Variants in APC observed in about 807,000 individuals in gnomAD.
APC encodes the protein adenomatous polyposis coli protein.
Under a neutral mutation model 247.0 loss-of-function variants are expected in APC, and 72 were observed. That is an observed-to-expected ratio of 0.29 (90% confidence interval 0.24 to 0.35). The LOEUF (loss-of-function observed/expected upper bound fraction) is 0.35, where lower values mean the gene tolerates loss of function less well. Among genes scored for constraint, APC ranks in the 10% least tolerant of loss-of-function variants. The probability of loss-of-function intolerance (pLI) is 1.00; values close to 1 mark genes in which losing one functional copy is unlikely to be tolerated. For synonymous variants in APC, 1,254 were observed against 1,162.5 expected, an observed-to-expected ratio of 1.08 and a Z score of -1.60; for missense variants, 3,400 against 3,360.7, an observed-to-expected ratio of 1.01 and a Z score of -0.29.
intron 2 of APC, among the ~76,000 whole-genome samples, chr5:112,764,948 A>G (rs2149778686): frequency 6.6e-6 from 1 of 152,310 alleles, no homozygotes; most frequent in East Asian, 1.9e-4. Context: ...TATTCCACAA[A>G]TGTAAAACAC....
intron 11 of APC, among the ~76,000 whole-genome samples, chr5:112,823,852 T>G (rs1763384492): frequency 6.6e-6 from 1 of 152,166 alleles, no homozygotes; most frequent in Non-Finnish European, 1.5e-5. Context: ...CTCGTCAAAC[T>G]GGATTTTCTG....
intron 1 of APC, among the ~76,000 whole-genome samples, chr5:112,741,027 G>T (rs1752952196): frequency 6.6e-6 from 1 of 152,028 alleles, no homozygotes. Context: ...ACCTACCTAT[G>T]CAGCACATAA....
rs1269217960 is a variant in APC at position 112,818,830 on chromosome 5, T to G, written c.934-136T>G. The G allele has an allele frequency of 1.9e-5, 18 of 958,304 alleles. No homozygotes were observed. The South Asian group carries it at 2.6e-4, about 14-fold the overall frequency. The allele number at this position is 958,304 out of a possible 1,614,324, so 59.4% of individuals were successfully genotyped here. A position where few individuals can be genotyped will look rare whatever the true frequency, so the allele number is the denominator to read the frequency against. On this transcript the variant is annotated intron_variant, in intron 9 of 15. Transcript: ENST00000257430. ...TTCATCCTGGAAAGGTTTTCCGGTTTTTTGTTTTTTTTTTGGCGGGGGGGG... is the reference window on the plus strand; with the variant it reads ...TTCATCCTGGAAAGGTTTTCCGGTTGTTTGTTTTTTTTTTGGCGGGGGGGG...
chr5:112,819,578 C>A (rs895013071), intron 10 of APC, among the ~76,000 whole-genome samples: 12 of 152,092 alleles, frequency 7.9e-5, no homozygotes, highest in African/African-American at 1.4e-4. Flanking sequence ...GAAATTTATA[C>A]AATCATAGCA....
rs1554089094 is a variant in APC, at chr5:112,843,990, C to T, written c.8396C>T (p.Ser2799Leu). 1 of 1,600,552 alleles carries T rather than the reference C, an allele frequency of 6.2e-7. No individual in the cohort carries two copies. The highest frequency in any genetic ancestry group is 1.1e-5 in the South Asian group (1 of 88,580). ...SPRKSSADSTSARPSQIPTPV... is the reference protein window; with the variant it reads ...SPRKSSADSTLARPSQIPTPV... Reference sequence around the variant, plus strand: ...AGGAAAAGCAGCGCAGATAGCACTTCAGCTCGGCCATCTCAGATCCCAACT... The same window carrying T: ...AGGAAAAGCAGCGCAGATAGCACTTTAGCTCGGCCATCTCAGATCCCAACT... Residue 2799 changes from serine (S) to leucine (L), a missense_variant, in exon 16 of 16, where the codon TCA becomes TTA. Around this residue, in one of 9 missense-constraint regions of APC, gnomAD observed 1,788 missense variants for 1,649.5 expected, o/e 1.08. Transcript: ENST00000257430. The surrounding 1 kb of genome is among the most constrained non-coding windows in gnomAD (Gnocchi z 4.8).
In APC at chr5:112,761,537, G is replaced by A. The variant is rs28578275; in HGVS notation, c.136-4789G>A. ...GGCTGAACACTGAATTAGTGAACTA[G>A]TGAGAAGACAGAATTAGTGAACTTG... On this transcript the variant is annotated intron_variant, in intron 2 of 15. Transcript: ENST00000257430. Among the ~76,000 whole-genome samples the A allele has an allele frequency of 0.4, 60,715 of 151,986 alleles. 14,594 individuals are homozygous for A. The highest frequency in any genetic ancestry group is 0.65 in the East Asian group (3,381 of 5,176).
At chr5:112,813,658 C>A (rs553651270) in intron 8 of APC, among the ~76,000 whole-genome samples, 1 of 151,842 alleles carries the variant, frequency 6.6e-6, no homozygotes, top group Non-Finnish European at 1.5e-5. Context: ...TGGCTCGTGC[C>A]TGTAGTCCCG....
chr5:112,753,771 G>A (rs1036822483), intron 1 of APC, among the ~76,000 whole-genome samples: 8 of 152,124 alleles, frequency 5.3e-5, no homozygotes, highest in African/African-American at 1.9e-4. Flanking sequence ...GTTACAACCT[G>A]TCTGCCTTAT....
intron 6 of APC, among the ~76,000 whole-genome samples, chr5:112,782,982 T>C (rs982645688): frequency 6.6e-6 from 1 of 152,224 alleles, no homozygotes; most frequent in Non-Finnish European, 1.5e-5. Flanking sequence ...GTTAGGTTTA[T>C]TTGTTTCAAA....
Position 112,815,578 on chromosome 5 carries a change from T to G in APC, c.918T>G (p.Ser306Arg), listed in dbSNP as rs730881231. Reference protein sequence around the residue: ...STHSAPRRLTSHLGTKVEMVY... With the variant: ...STHSAPRRLTRHLGTKVEMVY... ...ACTCTGCACCTCGAAGGCTGACAAG[T>G]CATCTGGGAACCAAGGTAACAGAAG... Residue 306 changes from serine to arginine, a missense_variant, in exon 9 of 16, where the codon AGT (serine) becomes AGG (arginine). Ser to Arg is a moderately radical substitution (Grantham distance 110, BLOSUM62 -1). Coordinates refer to ENST00000257430, the MANE Select transcript of APC (RefSeq NM_000038.6). The G allele has an allele frequency of 3.7e-5, 59 of 1,610,922 alleles. No individual in the cohort carries two copies. Among genetic ancestry groups the G allele is most frequent in the Non-Finnish European group, 4.8e-5 (56 of 1,177,984 alleles).
upstream of APC, chr5:112,737,726 C>G (rs796804991): frequency 5.0e-6 from 3 of 601,840 alleles, no homozygotes; most frequent in South Asian, 1.5e-4. Context: ...CTGTGCCCCA[C>G]TGCGGAGTGC....
Position 112,730,699 on chromosome 5 carries a change from C to G in APC, c.165+22817C>G, listed in dbSNP as rs545825144. ...ATTAATTTGTGTTTTTCTTAAGGAC[C>G]CTCCCACCCAGCTGCCCCTTTATTA... On this transcript the variant is annotated intron_variant, in intron 1 of 13. Coordinates refer to the APC transcript ENST00000507379. Among the ~76,000 whole-genome samples, 231 of 152,140 alleles carry G rather than the reference C, an allele frequency of 1.5e-3. 1 individual carries two copies. Among genetic ancestry groups the G allele is most frequent in the Non-Finnish European group, 2.4e-3 (165 of 67,998 alleles).
intron 2 of APC, among the ~76,000 whole-genome samples, chr5:112,756,376 C>A (rs1561446979): frequency 6.6e-6 from 1 of 152,198 alleles, no homozygotes; most frequent in Non-Finnish European, 1.5e-5. Flanking sequence ...ACATTTTATT[C>A]TTTCCACAAA....
At chr5:112,724,140 A>G (rs781295355) in intron 1 of APC, among the ~76,000 whole-genome samples, 2 of 152,198 alleles carry the variant, frequency 1.3e-5, no homozygotes, top group African/African-American at 4.8e-5. Flanking sequence ...TGAGCAGGCT[A>G]TCCTATGCTT....
At chr5:112,818,853 G>GGGGTGTTTTGTTTTTTTT in intron 9 of APC, 113 bp from the exon 10 acceptor site, 1 of 1,090,374 alleles carries the variant, frequency 9.2e-7, no homozygotes, top group East Asian at 2.6e-5. Flanking sequence ...TTGGCGGGGG[G>GGGGTGTTTTGTTTTTTTT]GGTTGTTTTG....
chr5:112,736,303 A>C (rs1752379346), upstream of APC, among the ~76,000 whole-genome samples: 2 of 152,266 alleles, frequency 1.3e-5, no homozygotes, highest in African/African-American at 4.8e-5. Context: ...AACTTTTAAT[A>C]GAACAGTAGT....
At chr5:112,735,812 C>A (rs1752351472), upstream of APC, among the ~76,000 whole-genome samples, 1 of 152,154 alleles carries the variant, frequency 6.6e-6, no homozygotes, top group African/African-American at 2.4e-5. Flanking sequence ...AGATTTGAAG[C>A]ATAGTGACTA....
At chr5:112,761,792 A>G (rs114106535) in intron 2 of APC, among the ~76,000 whole-genome samples, 1,637 of 152,332 alleles carry the variant, frequency 0.011, 24 homozygotes, top group Non-Finnish European at 0.013. Context: ...GTGTGCTTCT[A>G]GAAGAAAACA....
intron 15 of APC, among the ~76,000 whole-genome samples, chr5:112,836,085 A>G (rs932012573): frequency 4.0e-5 from 5 of 125,278 alleles, no homozygotes; most frequent in Non-Finnish European, 7.8e-5. Flanking sequence ...CAGTGGCACA[A>G]TCTTTGCTCA....
Sources: gnomAD v4.1 joint callset for allele counts (sites outside exome capture counted in the v4.1 genomes callset) on GRCh38, gnomAD v4.1.1 for gene constraint, gnomAD v4.1.1 regional missense constraint, Gnocchi (gnomAD v3.1) non-coding constraint, MANE v1.5 for transcripts, NCBI Gene and HGNC (gene_info 2026-07-23, HGNC 2026-07-21) for gene names.